The following FAM222A variants were observed in gnomAD, a reference collection of about 807,000 sequenced individuals.
The protein encoded by FAM222A is family with sequence similarity 222 member A.
A neutral mutation model predicts 25.8 loss-of-function variants in FAM222A; 7 were observed. The observed-to-expected ratio is 0.27, with a 90% confidence interval of 0.15 to 0.51. FAM222A has a LOEUF of 0.51. FAM222A is among the 20% of genes least tolerant of loss of function. FAM222A has a pLI of 0.97. For synonymous variants in FAM222A, 294 were observed against 298.8 expected (o/e 0.98, Z 0.17); for missense variants, 573 against 640.5 (o/e 0.89, Z 1.14).
chr12:109,725,508 C>T (rs1592778794), intron 1 of FAM222A, among the ~76,000 whole-genome samples: 1 of 150,112 alleles, frequency 6.7e-6, no homozygotes, highest in Non-Finnish European at 1.5e-5. Flanking sequence ...AGCAGCCGGG[C>T]CCCGAGCGGG....
intron 1 of FAM222A, among the ~76,000 whole-genome samples, chr12:109,727,764 C>T (rs1365976189): frequency 6.6e-6 from 1 of 152,144 alleles, no homozygotes; most frequent in Admixed American, 6.5e-5. Context: ...TGCTCACTCC[C>T]CAGGGTAGGC....
At chr12:109,715,826 T>A (rs939596138) in intron 1 of FAM222A, among the ~76,000 whole-genome samples, 6 of 152,200 alleles carry the variant, frequency 3.9e-5, no homozygotes, top group African/African-American at 1.4e-4. Context: ...TGTACCCAGC[T>A]GGCAGGCTGA....
At position 109,713,864 on chromosome 12, in the gene FAM222A, C is replaced by T. The variant is rs543123155; in HGVS notation, c.-1080C>T. On this transcript the variant is annotated 5_prime_UTR_variant, in exon 1 of 3. Transcript: ENST00000538780. Reference sequence around the variant, plus strand: ...GGAGCAGCGGGCAGGACTGCCTGGCCGGCTGCTCCGCGGAGAGGCTGCGCG... The same window carrying T: ...GGAGCAGCGGGCAGGACTGCCTGGCTGGCTGCTCCGCGGAGAGGCTGCGCG... Among the ~76,000 whole-genome samples, 10 of 149,100 alleles carry T rather than the reference C, an allele frequency of 6.7e-5. No individual in the cohort carries two copies. The highest frequency in any genetic ancestry group is 1.2e-4 in the Non-Finnish European group (8 of 66,836).
At chr12:109,752,379 G>A (rs1341646831) in intron 2 of FAM222A, among the ~76,000 whole-genome samples, 3 of 152,264 alleles carry the variant, frequency 2.0e-5, no homozygotes, top group Non-Finnish European at 4.4e-5. Context: ...TGGGTGCCCT[G>A]CTGCTGCCAA....
At chr12:109,739,494 T>C (rs952746825) in intron 1 of FAM222A, among the ~76,000 whole-genome samples, 1 of 152,188 alleles carries the variant, frequency 6.6e-6, no homozygotes, top group African/African-American at 2.4e-5. Flanking sequence ...GGCCTGGGCT[T>C]TACTCATCTC....
In FAM222A at chr12:109,769,038, C is replaced by T. The variant is rs560155848; in HGVS notation, c.1109C>T (p.Thr370Met). 52 of 1,585,128 alleles carry T rather than the reference C, an allele frequency of 3.3e-5. No homozygotes were observed. In the Admixed American group the frequency reaches 4.5e-4, roughly 14 times the overall value. The change falls in exon 3 of 3, where the codon ACG becomes ATG. Residue 370 changes from threonine to methionine, a missense_variant. This residue lies in a region of FAM222A where 412 missense variants were observed against 407.0 expected (regional missense o/e 1.01). Transcript: ENST00000538780. ...CYNPAAAVVV[T>M]ELGPGAAREL... ...AACCCAGCGGCGGCGGTGGTGGTCA[C>T]GGAGCTGGGGCCGGGGGCAGCCCGG...
Position 109,749,973 on chromosome 12 carries a change from G to C in FAM222A, c.82+5745G>C, listed in dbSNP as rs1005013806. 4.6e-5 allele frequency among the ~76,000 whole-genome samples: 7 copies of C among 152,322 alleles called. No individual in the cohort carries two copies. The East Asian group carries it at 1.3e-3, about 29-fold the overall frequency. On this transcript the variant is annotated intron_variant, in intron 2 of 2. Transcript: ENST00000538780. ...TTAGATGTGACTCATATACTATAGA[G>C]TTGGATTAAGCTTTGTGATCCAGTC...
intron 1 of FAM222A, among the ~76,000 whole-genome samples, chr12:109,727,164 G>T (rs1887858970): frequency 6.6e-6 from 1 of 152,084 alleles, no homozygotes; most frequent in South Asian, 2.1e-4. Context: ...GCTCTCTGTG[G>T]TCGGGGTCTT....
intron 2 of FAM222A, among the ~76,000 whole-genome samples, chr12:109,767,062 C>CTTAT (rs1889074367): frequency 1.1e-5 from 1 of 93,068 alleles, no homozygotes; most frequent in African/African-American, 4.3e-5. Flanking sequence ...TGCTTGGCTT[C>CTTAT]TTTTTTTTTT....
chr12:109,728,242 G>A (rs796487976), intron 1 of FAM222A, among the ~76,000 whole-genome samples: 22 of 152,248 alleles, frequency 1.4e-4, no homozygotes, highest in African/African-American at 4.8e-4. Flanking sequence ...CATGCACCAG[G>A]GACTGTCCCA....
At chr12:109,756,649 A>C (rs1044255705) in intron 2 of FAM222A, among the ~76,000 whole-genome samples, 2 of 152,220 alleles carry the variant, frequency 1.3e-5, no homozygotes, top group Non-Finnish European at 2.9e-5. Flanking sequence ...TGGTATTAAC[A>C]TTAATTGATT....
chr12:109,730,067 C>T (rs1034168806), intron 1 of FAM222A, among the ~76,000 whole-genome samples: 2 of 152,196 alleles, frequency 1.3e-5, no homozygotes, highest in Non-Finnish European at 2.9e-5. Context: ...GTGCCAAGGC[C>T]TCAGTCTGCC....
chr12:109,751,644 A>G (rs1239351888), intron 2 of FAM222A, among the ~76,000 whole-genome samples: 1 of 152,186 alleles, frequency 6.6e-6, no homozygotes, highest in African/African-American at 2.4e-5. Context: ...GGTTCCTGAA[A>G]ATATGGTTTG....
intron 1 of FAM222A, among the ~76,000 whole-genome samples, chr12:109,730,486 G>A (rs774742705): frequency 6.6e-6 from 1 of 152,076 alleles, no homozygotes; most frequent in Non-Finnish European, 1.5e-5. Context: ...AGCCCCTGTT[G>A]GTGCCTTTGC....
intron 1 of FAM222A, chr12:109,735,497 C>G (rs575696560): frequency 1.3e-5 from 2 of 152,380 alleles, no homozygotes; most frequent in African/African-American, 2.4e-5. Flanking sequence ...CCGTTGCCTG[C>G]TTTAACCCTG....
chr12:109,767,322 G>GT (rs1190123976), intron 2 of FAM222A, among the ~76,000 whole-genome samples: 1 of 152,078 alleles, frequency 6.6e-6, no homozygotes, highest in African/African-American at 2.4e-5. Flanking sequence ...GAGCTCAGGA[G>GT]TTTAAGACTG....
At chr12:109,753,346 T>C (rs1888612687) in intron 2 of FAM222A, among the ~76,000 whole-genome samples, 1 of 151,972 alleles carries the variant, frequency 6.6e-6, no homozygotes, top group Admixed American at 6.5e-5. Flanking sequence ...GTGCCCACCC[T>C]GCCCCATCCC....
chr12:109,744,271 G>C (rs1393594280), intron 2 of FAM222A, 43 bp downstream of exon 2: 1 of 1,580,334 alleles, frequency 6.3e-7, no homozygotes, highest in South Asian at 1.1e-5. Flanking sequence ...CAGGTCGTGG[G>C]CAGAGAACGC....
At chr12:109,757,654 T>C (rs1888771685) in intron 2 of FAM222A, among the ~76,000 whole-genome samples, 1 of 151,630 alleles carries the variant, frequency 6.6e-6, no homozygotes, top group African/African-American at 2.4e-5. Context: ...AAGCCACAAA[T>C]TGAGAGTGGG....
Sources: gnomAD v4.1 joint callset for allele counts (sites outside exome capture counted in the v4.1 genomes callset) on GRCh38, gnomAD v4.1.1 for gene constraint, gnomAD v4.1.1 regional missense constraint, MANE v1.5 for transcripts, NCBI Gene and HGNC (gene_info 2026-07-23, HGNC 2026-07-21) for gene names.